The following DNA2 variants were observed in gnomAD, a reference collection of about 807,000 sequenced individuals.
DNA2 encodes DNA replication ATP-dependent helicase/nuclease DNA2.
DNA2 carries 101 observed loss-of-function variants against 119.1 expected under a neutral mutation model. That is an observed-to-expected ratio of 0.85 (90% CI 0.72 to 1.00). The LOEUF is 1.00. DNA2 is among the 50% of genes least tolerant of loss of function. The pLI is 0.00. For synonymous variants in DNA2, 366 were observed against 424.4 expected (o/e 0.86, Z 1.69); for missense variants, 1,121 against 1,255.5 (o/e 0.89, Z 1.62).
At chr10:68,462,754 G>T (rs1433220653) in intron 4 of DNA2, among the ~76,000 whole-genome samples, 2 of 152,190 alleles carry the variant, frequency 1.3e-5, no homozygotes, top group East Asian at 3.9e-4. Flanking sequence ...CTGTAAGGAG[G>T]AGATAATAAC....
At chr10:68,419,664 T>A in intron 18 of DNA2, 139 bp downstream of exon 18, 1 of 628,986 alleles carries the variant, frequency 1.6e-6, no homozygotes, top group Non-Finnish European at 2.8e-6. Flanking sequence ...ATACATTTTC[T>A]CAAAATAAAA....
At chr10:68,468,360 A>G in intron 2 of DNA2, 54 bp from the exon 3 acceptor site, 3 of 1,232,114 alleles carry the variant, frequency 2.4e-6, no homozygotes, top group South Asian at 5.3e-5. Flanking sequence ...TCCTACATGT[A>G]AACGTATTAG....
rs1211027535 is a variant in DNA2, at chr10:68,471,838, C to G, written c.27G>C (p.Leu9=). MEQLNELE[L]LMEKSFWEEA... Reference sequence around the variant, plus strand: ...CCTCCCAAAAACTCTTCTCCATCAGCAGCTCCAGTTCGTTCAGCTGCTCCA... The same window carrying G: ...CCTCCCAAAAACTCTTCTCCATCAGGAGCTCCAGTTCGTTCAGCTGCTCCA... The change falls in exon 1 of 21, where the codon CTG becomes CTC. Residue 9 remains leucine (L), a synonymous_variant. Transcript: ENST00000358410. The G allele has an allele frequency of 6.2e-7, 1 of 1,612,766 alleles. No individual in the cohort carries two copies. The highest frequency in any genetic ancestry group is 1.3e-5 in the African/African-American group (1 of 74,860).
rs1554902481 is a variant in DNA2 at position 68,416,771 on chromosome 10, G to T, written c.3052C>A (p.Pro1018Thr). The T allele has an allele frequency of 6.2e-7, 1 of 1,613,680 alleles. No individual in the cohort carries two copies. The highest frequency in any genetic ancestry group is 1.1e-5 in the South Asian group (1 of 91,066). The change falls in exon 20 of 21, where the codon CCC (proline) becomes ACC (threonine). Residue 1018 changes from proline (P) to threonine (T), a missense_variant. By Grantham distance (38) the Pro-to-Thr change is conservative. Coordinates refer to ENST00000358410, the MANE Select transcript of DNA2 (RefSeq NM_001080449.3). ...KHKLILLGCV[P>T]SLNCYPPLEK... ...AAAGGAGGATAGCAATTTAGTGAGG[G>T]CACACACCCCAGAAGAATCAGTTTA...
chr10:68,428,690 G>C (rs1288664225), intron 14 of DNA2, among the ~76,000 whole-genome samples: 1 of 152,190 alleles, frequency 6.6e-6, no homozygotes, highest in Non-Finnish European at 1.5e-5. Context: ...AAGCTCTGGA[G>C]AATCAGGCTA....
chr10:68,455,777 C>T (rs1284741128), intron 5 of DNA2, among the ~76,000 whole-genome samples: 3 of 152,076 alleles, frequency 2.0e-5, no homozygotes, highest in African/African-American at 7.2e-5. Context: ...GCCAAGATTG[C>T]ACCACTGTAC....
chr10:68,459,912 C>T (rs1208442452), intron 4 of DNA2, among the ~76,000 whole-genome samples: 2 of 151,638 alleles, frequency 1.3e-5, no homozygotes, highest in Non-Finnish European at 2.9e-5. Context: ...CTGTAATCCC[C>T]GCTCCTTGGG....
chr10:68,433,127 C>A (rs1234322243), intron 10 of DNA2, among the ~76,000 whole-genome samples: 1 of 152,144 alleles, frequency 6.6e-6, no homozygotes, highest in Non-Finnish European at 1.5e-5. Context: ...ACAGTACTTT[C>A]AAAGCAGAAC....
At chr10:68,421,185 C>A (rs1022505761) in intron 17 of DNA2, among the ~76,000 whole-genome samples, 1 of 151,422 alleles carries the variant, frequency 6.6e-6, no homozygotes, top group Non-Finnish European at 1.5e-5. Context: ...ATCCACCCCC[C>A]TCGGCCTCCC....
chr10:68,445,130 A>G (rs1398754116), intron 7 of DNA2, 47 bp from the exon 8 acceptor site: 1 of 1,516,454 alleles, frequency 6.6e-7, no homozygotes, highest in Non-Finnish European at 9.0e-7. Flanking sequence ...AATAAAGTTT[A>G]TCATGTCTTT....
chr10:68,429,850 T>C (rs1055074357), intron 14 of DNA2, among the ~76,000 whole-genome samples: 3 of 151,362 alleles, frequency 2.0e-5, no homozygotes, highest in Non-Finnish European at 4.4e-5. Flanking sequence ...TAAGTACCAT[T>C]GTTTCTAATT....
chr10:68,450,302 A>T, intron 5 of DNA2, 55 bp from the exon 6 acceptor site: 1 of 1,338,216 alleles, frequency 7.5e-7, no homozygotes, highest in South Asian at 1.3e-5. Context: ...CTCATTTCAC[A>T]TCTGCTGGCT....
At chr10:68,445,134 T>C (rs1159109511) in intron 7 of DNA2, 51 bp from the exon 8 acceptor site, 3 of 1,499,298 alleles carry the variant, frequency 2.0e-6, no homozygotes, top group South Asian at 1.2e-5. Flanking sequence ...AAGTTTATCA[T>C]GTCTTTTTCA....
chr10:68,422,941 T>C (rs1590048174), intron 14 of DNA2, 51 bp from the exon 15 acceptor site: 1 of 1,315,846 alleles, frequency 7.6e-7, no homozygotes, highest in Non-Finnish European at 1.0e-6. Context: ...AGAAATGTAG[T>C]TTTGTTTCTC....
At chr10:68,429,270 C>G (rs115623116) in intron 14 of DNA2, among the ~76,000 whole-genome samples, 1 of 147,972 alleles carries the variant, frequency 6.8e-6, no homozygotes, top group African/African-American at 2.5e-5. Flanking sequence ...AAAAGCCGGG[C>G]GCAGTAGTTC....
At chr10:68,415,660 T>TCTTTG (rs1309453387) in intron 20 of DNA2, among the ~76,000 whole-genome samples, 3 of 152,022 alleles carry the variant, frequency 2.0e-5, no homozygotes, top group African/African-American at 7.2e-5. Context: ...TACACTGTTT[T>TCTTTG]TTTTGTTTTG....
At chr10:68,471,988 A>T (rs200672944), upstream of DNA2, 2 of 1,611,320 alleles carry the variant, frequency 1.2e-6, no homozygotes, top group African/African-American at 2.7e-5. Flanking sequence ...CAACCCGCAG[A>T]TGTCCCAAAT....
intron 13 of DNA2, 66 bp downstream of exon 13, chr10:68,431,796 A>G (rs1787463591): frequency 1.6e-5 from 17 of 1,039,888 alleles, no homozygotes; most frequent in African/African-American, 4.9e-5. Context: ...TCAATATTAC[A>G]TCCTCTGAAC....
rs896303264 is a variant in DNA2, at chr10:68,418,029, CAG to C, written c.2967+1003_2967+1004del. On this transcript the variant is annotated intron_variant, in intron 19 of 20. Transcript: ENST00000358410. ...GAAAATGGGTGGTTAATCATGAATA[CAG>C]AGTTTTAGATTTGAAAATGAAAAAG... Among the ~76,000 whole-genome samples, 16 of 152,286 alleles carry C rather than the reference CAG, an allele frequency of 1.1e-4. No homozygotes were observed. In the East Asian group the frequency reaches 2.9e-3, roughly 28 times the overall value.
Sources: gnomAD v4.1 joint callset for allele counts (sites outside exome capture counted in the v4.1 genomes callset) on GRCh38, gnomAD v4.1.1 for gene constraint, MANE v1.5 for transcripts, NCBI Gene and HGNC (gene_info 2026-07-23, HGNC 2026-07-21) for gene names.